Variants in SPOCK1 observed in about 807,000 individuals in gnomAD.
SPOCK1 encodes testican-1.
A neutral mutation model predicts 55.3 loss-of-function variants in SPOCK1; 23 were observed. The ratio of observed to expected loss-of-function variants is 0.42; its 90% CI spans 0.30 to 0.59. The LOEUF is 0.59. Among genes scored for constraint, SPOCK1 ranks in the 20% least tolerant of loss-of-function variants. The pLI, the probability that SPOCK1 is intolerant of heterozygous loss-of-function variation, is 0.22. For missense variants in SPOCK1, 499 were observed against 552.5 expected (o/e 0.90, Z 0.97); for synonymous variants, 226 against 221.0 (o/e 1.02, Z -0.20).
In SPOCK1 at chr5:136,988,404, C is replaced by G. The variant is rs766593650; in HGVS notation, c.928+18G>C. The G allele has an allele frequency of 3.1e-6, 5 of 1,608,820 alleles. No individual in the cohort carries two copies. Among genetic ancestry groups the G allele is most frequent in the Non-Finnish European group, 4.3e-6 (5 of 1,175,692 alleles). On this transcript the variant is annotated intron_variant, in intron 8 of 10. Coordinates refer to ENST00000394945, the MANE Select transcript of SPOCK1 (RefSeq NM_004598.4). ...GGCTGCCCTGGGCTAGGGACCCCAACCCTCCATCCCACCTTACCTCCAGGC... is the reference window on the plus strand; with the variant it reads ...GGCTGCCCTGGGCTAGGGACCCCAAGCCTCCATCCCACCTTACCTCCAGGC...
chr5:137,247,423 T>C (rs1756417303), intron 3 of SPOCK1, among the ~76,000 whole-genome samples: 1 of 152,212 alleles, frequency 6.6e-6, no homozygotes, highest in Non-Finnish European at 1.5e-5. Context: ...TGAGTACCCA[T>C]ATCATCCTAT....
intron 3 of SPOCK1, among the ~76,000 whole-genome samples, chr5:137,232,729 G>A (rs1756091736): frequency 6.6e-6 from 1 of 152,166 alleles, no homozygotes. Context: ...AAACCTTGCT[G>A]CAATTTTGAT....
intron 2 of SPOCK1, among the ~76,000 whole-genome samples, chr5:137,286,523 G>A (rs145009607): frequency 4.5e-4 from 69 of 152,290 alleles, no homozygotes; most frequent in African/African-American, 1.5e-3. Context: ...TCACCCAGAA[G>A]GGCCCCTCCT....
At chr5:137,206,427 T>A (rs1755521783) in intron 3 of SPOCK1, among the ~76,000 whole-genome samples, 1 of 151,980 alleles carries the variant, frequency 6.6e-6, no homozygotes, top group Admixed American at 6.6e-5. Context: ...GAAACAAGAG[T>A]CCTTAGCATA....
chr5:137,112,792 T>C (rs1332214819), intron 4 of SPOCK1, among the ~76,000 whole-genome samples: 3 of 147,164 alleles, frequency 2.0e-5, no homozygotes, highest in Non-Finnish European at 4.5e-5. Context: ...GAAAACAATG[T>C]AGCCATTGAA....
chr5:137,372,108 T>C (rs1401287182), intron 2 of SPOCK1, among the ~76,000 whole-genome samples: 1 of 152,200 alleles, frequency 6.6e-6, no homozygotes, highest in Non-Finnish European at 1.5e-5. Context: ...TCTTGGTGTT[T>C]TATACTCCCA....
chr5:137,312,070 C>A (rs1158383622), intron 2 of SPOCK1, among the ~76,000 whole-genome samples: 1 of 152,234 alleles, frequency 6.6e-6, no homozygotes, highest in African/African-American at 2.4e-5. Flanking sequence ...ACTTTCATTG[C>A]TTGGCACGTA....
chr5:137,312,735 C>T (rs1204421642), intron 2 of SPOCK1, among the ~76,000 whole-genome samples: 2 of 152,216 alleles, frequency 1.3e-5, no homozygotes, highest in East Asian at 1.9e-4. Flanking sequence ...AGGAAAGCAC[C>T]CACAGGGGCT....
chr5:137,304,477 C>T (rs1757666082), intron 2 of SPOCK1, among the ~76,000 whole-genome samples: 2 of 152,246 alleles, frequency 1.3e-5, no homozygotes, highest in South Asian at 4.2e-4. Context: ...GAAATGTAAG[C>T]TGAGTTGTGC....
At chr5:137,245,700 A>T (rs1265217805) in intron 3 of SPOCK1, among the ~76,000 whole-genome samples, 1 of 151,768 alleles carries the variant, frequency 6.6e-6, no homozygotes, top group Admixed American at 6.6e-5. Flanking sequence ...GTACGGTTAG[A>T]TGGCCCAATC....
intron 2 of SPOCK1, among the ~76,000 whole-genome samples, chr5:137,280,511 GCTTTT>G (rs1366375063): frequency 3.9e-5 from 6 of 152,170 alleles, no homozygotes; most frequent in African/African-American, 1.4e-4. Context: ...AGCTGCTTTT[GCTTTT>G]CTTTTTATTT....
chr5:137,160,137 A>G (rs1045073912), intron 3 of SPOCK1, among the ~76,000 whole-genome samples: 16 of 151,378 alleles, frequency 1.1e-4, no homozygotes, highest in African/African-American at 3.4e-4. Context: ...CAAGTCCCCA[A>G]AGTCCATTGT....
rs529556475 is a variant in SPOCK1, at chr5:137,493,762, G to C, written c.186+4611C>G. ...ACTCTCGATTACGGGCTGAGTTTCC[G>C]TGATGACAGATTAATGACTGATCCA... On this transcript the variant is annotated intron_variant, in intron 2 of 10. Transcript: ENST00000394945. 1.4e-4 allele frequency among the ~76,000 whole-genome samples: 22 copies of C among 152,134 alleles called. 1 individual carries two copies. Among genetic ancestry groups the C allele is most frequent in the Non-Finnish European group, 4.4e-5 (3 of 68,026 alleles).
chr5:137,314,654 T>G (rs1348962625), intron 2 of SPOCK1, among the ~76,000 whole-genome samples: 1 of 152,202 alleles, frequency 6.6e-6, no homozygotes, highest in East Asian at 1.9e-4. Flanking sequence ...ACCTGTCTAT[T>G]GTTTATCCAC....
chr5:137,315,051 C>G (rs949127325), intron 2 of SPOCK1, among the ~76,000 whole-genome samples: 6 of 152,180 alleles, frequency 3.9e-5, no homozygotes, highest in African/African-American at 1.4e-4. Context: ...AAAATAGGAA[C>G]CCTCACCTGT....
chr5:137,418,744 T>G (rs1272498741), intron 2 of SPOCK1, among the ~76,000 whole-genome samples: 1 of 152,234 alleles, frequency 6.6e-6, no homozygotes, highest in Non-Finnish European at 1.5e-5. Context: ...TCTCCCATTC[T>G]GTAGGTTGCC....
chr5:137,195,783 G>C (rs1755288286), intron 3 of SPOCK1, among the ~76,000 whole-genome samples: 1 of 152,226 alleles, frequency 6.6e-6, no homozygotes, highest in African/African-American at 2.4e-5. Flanking sequence ...GTACATGACT[G>C]GTTGGCAGCA....
intron 2 of SPOCK1, among the ~76,000 whole-genome samples, chr5:137,419,328 T>C (rs1752430521): frequency 6.6e-6 from 1 of 152,192 alleles, no homozygotes; most frequent in African/African-American, 2.4e-5. Context: ...TTTTTTCCAA[T>C]TCTGTGAAGA....
At chr5:137,289,404 A>G (rs1232431084) in intron 2 of SPOCK1, among the ~76,000 whole-genome samples, 1 of 152,148 alleles carries the variant, frequency 6.6e-6, no homozygotes, top group East Asian at 1.9e-4. Context: ...ATATGATCCA[A>G]AGAGTCAGTG....
Sources: gnomAD v4.1 joint callset for allele counts (sites outside exome capture counted in the v4.1 genomes callset) on GRCh38, gnomAD v4.1.1 for gene constraint, MANE v1.5 for transcripts, NCBI Gene and HGNC (gene_info 2026-07-23, HGNC 2026-07-21) for gene names.